Variants in DCHS2 observed in about 807,000 individuals in gnomAD.
The protein encoded by DCHS2 is protocadherin-23.
DCHS2 carries 142 observed loss-of-function variants against 182.4 expected under a neutral mutation model. The ratio of observed to expected loss-of-function variants is 0.78; its 90% CI spans 0.68 to 0.89. The LOEUF (loss-of-function observed/expected upper bound fraction) is 0.89, where lower values mean the gene tolerates loss of function less well. DCHS2 is among the 40% of genes least tolerant of loss of function. DCHS2 has a pLI of 0.00. For synonymous variants in DCHS2, 1,740 were observed against 1,663.3 expected, an observed-to-expected ratio of 1.05 and a Z score of -1.12; for missense variants, 4,319 against 4,198.6, an observed-to-expected ratio of 1.03 and a Z score of -0.79.
intron 19 of DCHS2, among the ~76,000 whole-genome samples, chr4:154,238,073 G>A (rs1463908925): frequency 7.1e-6 from 1 of 140,352 alleles, no homozygotes; most frequent in South Asian, 2.3e-4. Context: ...GAACTGCCTT[G>A]CACACTGTGA....
intron 12 of DCHS2, 95 bp from the exon 13 acceptor site, chr4:154,298,803 A>AT: frequency 3.5e-6 from 5 of 1,437,878 alleles, no homozygotes; most frequent in Non-Finnish European, 4.6e-6. Context: ...ATTCATTAAA[A>AT]ATATATTTAT....
At chr4:154,326,326 A>C (rs1346458118) in intron 7 of DCHS2, among the ~76,000 whole-genome samples, 4 of 152,192 alleles carry the variant, frequency 2.6e-5, no homozygotes, top group Non-Finnish European at 4.4e-5. Context: ...GGAGTTCTTA[A>C]TAAATTCTGA....
At chr4:154,316,575 G>T (rs1235475143) in intron 9 of DCHS2, among the ~76,000 whole-genome samples, 1 of 152,130 alleles carries the variant, frequency 6.6e-6, no homozygotes, top group Non-Finnish European at 1.5e-5. Context: ...TTGAGGTTAG[G>T]TGTTCAAGAC....
chr4:154,465,789 A>G (rs1351354424), intron 1 of DCHS2, among the ~76,000 whole-genome samples: 1 of 152,188 alleles, frequency 6.6e-6, no homozygotes, highest in Non-Finnish European at 1.5e-5. Flanking sequence ...GTTGGGGGCT[A>G]TCTTAGAGCC....
Position 154,490,644 on chromosome 4 carries a change from C to G in DCHS2, c.712G>C (p.Gly238Arg). The G allele has an allele frequency of 3.2e-6, 5 of 1,551,218 alleles. No homozygotes were observed. The highest frequency in any genetic ancestry group is 4.4e-6 in the Non-Finnish European group (5 of 1,146,904). ...AGAGGCTCCAGGGGTGACGAGGAGC[C>G]TGGCAAAAGCGGTGACGGTAGTGGC... is the stretch of plus-strand genomic sequence containing the variant. ...PGPLPSPLLP[G>R]SSSPLEPLDL... Residue 238 changes from glycine (G) to arginine (R), a missense_variant, in exon 1 of 20, where the codon GGC becomes CGC. Gly to Arg is a moderately radical substitution (Grantham distance 125, BLOSUM62 -2). Coordinates refer to ENST00000357232, the MANE Select transcript of DCHS2 (RefSeq NM_001358235.2).
chr4:154,325,070 C>A (rs1736224268), intron 7 of DCHS2, among the ~76,000 whole-genome samples: 1 of 152,086 alleles, frequency 6.6e-6, no homozygotes, highest in African/African-American at 2.4e-5. Context: ...TCGATGAACA[C>A]CAAAGTATCA....
In DCHS2 at chr4:154,491,579, C is replaced by T. The variant is rs1258220238; in HGVS notation, c.-224G>A. 4.5e-6 allele frequency: 6 copies of T among 1,341,146 alleles called. No homozygotes were observed. The highest frequency in any genetic ancestry group is 3.6e-5 in the Admixed American group (1 of 27,844). The allele number at this position is 1,341,146 out of a possible 1,614,324, so 83.1% of individuals were successfully genotyped here. A position where few individuals can be genotyped will look rare whatever the true frequency, so the allele number is the denominator to read the frequency against. ...GGAAGTAAGCTCTAGCTGCCTCTGC[C>T]GCGGCAGCCACCTCTTCTGCCCCTG... is the stretch of plus-strand genomic sequence containing the variant. On this transcript the variant is annotated 5_prime_UTR_variant, in exon 1 of 20. Coordinates refer to ENST00000357232, the MANE Select transcript of DCHS2 (RefSeq NM_001358235.2).
intron 9 of DCHS2, among the ~76,000 whole-genome samples, chr4:154,316,506 G>A (rs970507598): frequency 1.3e-5 from 2 of 152,138 alleles, no homozygotes; most frequent in African/African-American, 2.4e-5. Context: ...GCTCAGGCTG[G>A]GTGTGGCGGC....
intron 13 of DCHS2, among the ~76,000 whole-genome samples, chr4:154,288,670 G>A (rs1734519139): frequency 6.6e-6 from 1 of 152,062 alleles, no homozygotes; most frequent in Non-Finnish European, 1.5e-5. Flanking sequence ...CATATGTTAG[G>A]CTGCAAAACA....
rs1368412028 is a variant in DCHS2 at position 154,335,164 on chromosome 4, A to ATAG, written c.2477-63_2477-61dup. On this transcript the variant is annotated intron_variant, in intron 3 of 19. Coordinates refer to ENST00000357232, the MANE Select transcript of DCHS2 (RefSeq NM_001358235.2). The stretch of plus-strand genomic sequence containing the variant: ...AACATGTAATAAATACTGATGAGCA[A>ATAG]TAGTAACACCTGGTCTATTAAGTGT... The ATAG allele has an allele frequency of 1.3e-5, 14 of 1,073,112 alleles. No individual in the cohort carries two copies. In the Middle Eastern group the frequency reaches 1.0e-3, roughly 80 times the overall value. The allele number at this position is 1,073,112 out of a possible 1,614,324, so 66.5% of individuals were successfully genotyped here.
chr4:154,371,335 C>T (rs1460640564), intron 2 of DCHS2, among the ~76,000 whole-genome samples: 2 of 152,164 alleles, frequency 1.3e-5, no homozygotes, highest in Non-Finnish European at 2.9e-5. Flanking sequence ...GGGCACCCAA[C>T]TCACTTCCTG....
Position 154,303,484 on chromosome 4 carries a change from C to CAAA in DCHS2, c.5605+1182_5605+1184dup, listed in dbSNP as rs35984605. ...AAGATTATTTTAAGGGTAAGTGAAG[C>CAAA]AAAAAAAAAAAAAAAAAAAAGCTGA... On this transcript the variant is annotated intron_variant, in intron 12 of 19. Transcript: ENST00000357232. Among the ~76,000 whole-genome samples the CAAA allele has an allele frequency of 7.3e-4, 62 of 84,404 alleles. 2 individuals carry two copies. Among genetic ancestry groups the CAAA allele is most frequent in the African/African-American group, 1.8e-3 (43 of 24,144 alleles). 55.4% of individuals were successfully genotyped at this position (84,404 alleles called of 152,430 possible). A position where few individuals can be genotyped will look rare whatever the true frequency, so the allele number is the denominator to read the frequency against.
At chr4:154,291,972 A>G (rs1352156128) in intron 13 of DCHS2, among the ~76,000 whole-genome samples, 4 of 152,188 alleles carry the variant, frequency 2.6e-5, no homozygotes, top group Admixed American at 2.0e-4. Flanking sequence ...TTTGCAACAC[A>G]AAGTATACAA....
At chr4:154,326,706 C>T (rs932900074) in intron 7 of DCHS2, among the ~76,000 whole-genome samples, 10 of 152,062 alleles carry the variant, frequency 6.6e-5, no homozygotes, top group African/African-American at 2.2e-4. Flanking sequence ...GTCAAGTTTC[C>T]GTACGTGTAA....
chr4:154,355,070 C>A (rs1008707958), intron 3 of DCHS2, among the ~76,000 whole-genome samples: 3 of 152,102 alleles, frequency 2.0e-5, no homozygotes, highest in African/African-American at 7.2e-5. Flanking sequence ...ACCAGAGTGA[C>A]TCCATCTTGA....
chr4:154,457,393 A>G (rs1734812637), intron 1 of DCHS2, among the ~76,000 whole-genome samples: 1 of 152,192 alleles, frequency 6.6e-6, no homozygotes, highest in South Asian at 2.1e-4. Flanking sequence ...TATTAACATG[A>G]CACAAATAAA....
intron 14 of DCHS2, chr4:154,269,409 G>A (rs1028488409): frequency 1.3e-5 from 2 of 154,140 alleles, no homozygotes; most frequent in Non-Finnish European, 2.9e-5. Flanking sequence ...TGGTCTTACT[G>A]AAGCTAAGTT....
intron 1 of DCHS2, among the ~76,000 whole-genome samples, chr4:154,384,091 T>C (rs919833182): frequency 2.6e-5 from 4 of 152,184 alleles, no homozygotes; most frequent in African/African-American, 9.7e-5. Context: ...TTTGAAGCAC[T>C]GGACAACCAC....
intron 13 of DCHS2, among the ~76,000 whole-genome samples, chr4:154,293,825 C>T (rs934222574): frequency 6.6e-6 from 1 of 152,210 alleles, no homozygotes; most frequent in African/African-American, 2.4e-5. Flanking sequence ...GCTCTGTGCA[C>T]GCTGCTCTCC....
Sources: allele counts gnomAD v4.1 joint callset (sites outside exome capture counted in the v4.1 genomes callset), GRCh38; gene constraint gnomAD v4.1.1; transcripts MANE v1.5; gene names NCBI Gene and HGNC (gene_info 2026-07-23, HGNC 2026-07-21).